The following ZNF804B variants were observed in gnomAD, a reference collection of about 807,000 sequenced individuals.
The protein encoded by ZNF804B is zinc finger protein 804B.
ZNF804B carries 80 observed loss-of-function variants against 101.4 expected under a neutral mutation model. That is an observed-to-expected ratio of 0.79 (90% CI 0.66 to 0.95). ZNF804B has a LOEUF of 0.95. Among genes scored for constraint, ZNF804B ranks in the 40% least tolerant of loss-of-function variants. The pLI is 0.00. For synonymous variants in ZNF804B, 622 were observed against 558.8 expected, an observed-to-expected ratio of 1.11 and a Z score of -1.59; for missense variants, 1,673 against 1,561.9, an observed-to-expected ratio of 1.07 and a Z score of -1.20.
chr7:88,800,692 TTGTGTG>T lies in ZNF804B; in HGVS notation c.108+40645_108+40650del, dbSNP rs6150209. Among the ~76,000 whole-genome samples the T allele has an allele frequency of 8.1e-3, 1,185 of 146,596 alleles. 5 individuals carry two copies. The highest frequency in any genetic ancestry group is 0.024 in the East Asian group (117 of 4,974). On this transcript the variant is annotated intron_variant, in intron 1 of 3. Coordinates refer to ENST00000333190, the MANE Select transcript of ZNF804B (RefSeq NM_181646.5). The stretch of plus-strand genomic sequence containing the variant: ...CTGGGAATTAAAAAATAGATATGAT[TTGTGTG>T]TGTGTGTGTGTGTGTGTGTGTGTGT...
chr7:89,335,283 T>A lies in ZNF804B; in HGVS notation c.2301T>A (p.Asp767Glu). The change falls in exon 4 of 4, where the codon GAT becomes GAA. Residue 767 changes from aspartate to glutamate, a missense_variant. By Grantham distance (45) the Asp-to-Glu change is conservative. Coordinates refer to ENST00000333190, the MANE Select transcript of ZNF804B (RefSeq NM_181646.5). The stretch of plus-strand genomic sequence containing the variant: ...AGCACAACTGCTTCTACTTGTCTGA[T>A]GATATAACAAAGAGCAGCCAAATGC... ...CLKHNCFYLSDDITKSSQMQS... is the reference protein window; with the variant it reads ...CLKHNCFYLSEDITKSSQMQS... 6.2e-7 allele frequency: 1 copy of A among 1,613,648 alleles called. No individual in the cohort carries two copies. Among genetic ancestry groups the A allele is most frequent in the Non-Finnish European group, 8.5e-7 (1 of 1,179,926 alleles).
intron 2 of ZNF804B, among the ~76,000 whole-genome samples, chr7:89,286,860 A>T (rs150783856): frequency 6.6e-6 from 1 of 152,190 alleles, no homozygotes; most frequent in Non-Finnish European, 1.5e-5. Context: ...AAAGCAAAAT[A>T]TAGACAGAAA....
At chr7:89,171,288 G>GCTGCTGCTGCTGCTGCTGCTT (rs1215246589) in intron 1 of ZNF804B, among the ~76,000 whole-genome samples, 9 of 82,464 alleles carry the variant, frequency 1.1e-4, no homozygotes, top group South Asian at 4.9e-4. Context: ...TGCTGCTGCT[G>GCTGCTGCTGCTGCTGCTGCTT]CTTCTTCTTC....
chr7:89,263,987 A>G (rs1451507860), intron 2 of ZNF804B, among the ~76,000 whole-genome samples: 1 of 152,236 alleles, frequency 6.6e-6, no homozygotes, highest in Non-Finnish European at 1.5e-5. Flanking sequence ...TCTTCTATTA[A>G]TACACAATTT....
chr7:89,075,042 A>G (rs1384983408), intron 1 of ZNF804B, among the ~76,000 whole-genome samples: 1 of 152,190 alleles, frequency 6.6e-6, no homozygotes, highest in South Asian at 2.1e-4. Context: ...AAAGCATTCA[A>G]TAGGTGACTT....
intron 1 of ZNF804B, among the ~76,000 whole-genome samples, chr7:88,988,504 A>G (rs1020299887): frequency 1.3e-5 from 2 of 152,166 alleles, no homozygotes; most frequent in South Asian, 2.1e-4. Context: ...AGGTGTTAAT[A>G]ACAACTATTG....
At chr7:88,880,572 CTTAAT>C (rs952512256) in intron 1 of ZNF804B, among the ~76,000 whole-genome samples, 47 of 151,880 alleles carry the variant, frequency 3.1e-4, no homozygotes, top group African/African-American at 9.9e-4. Context: ...GCTTTGTTGT[CTTAAT>C]TTTATTTTTA....
chr7:89,047,909 C>CA (rs1337606391), intron 1 of ZNF804B, among the ~76,000 whole-genome samples: 31 of 147,162 alleles, frequency 2.1e-4, no homozygotes, highest in Non-Finnish European at 4.4e-4. Context: ...TTTTTTTCCC[C>CA]CTTTGGATAT....
At chr7:88,801,790 A>G (rs1439779542) in intron 1 of ZNF804B, among the ~76,000 whole-genome samples, 1 of 152,184 alleles carries the variant, frequency 6.6e-6, no homozygotes, top group Non-Finnish European at 1.5e-5. Context: ...GAATATATGT[A>G]TTAATGAACA....
rs554037873 is a variant in ZNF804B at position 88,897,262 on chromosome 7, A to G, written c.108+137178A>G. ...CCCAAATAATCAAATGGGTTCTTGT[A>G]AGAGGGATGCAGAGGGAATGGGAAA... On this transcript the variant is annotated intron_variant, in intron 1 of 3. Coordinates refer to ENST00000333190, the MANE Select transcript of ZNF804B (RefSeq NM_181646.5). 2.6e-5 allele frequency among the ~76,000 whole-genome samples: 4 copies of G among 152,260 alleles called. No homozygotes were observed. The East Asian group carries it at 7.7e-4, about 29-fold the overall frequency.
chr7:89,141,975 A>G (rs944453088), intron 1 of ZNF804B, among the ~76,000 whole-genome samples: 1 of 151,778 alleles, frequency 6.6e-6, no homozygotes, highest in African/African-American at 2.4e-5. Flanking sequence ...ATGATACCAG[A>G]CATTTATTCC....
intron 1 of ZNF804B, among the ~76,000 whole-genome samples, chr7:89,167,787 G>A (rs1346094234): frequency 6.6e-6 from 1 of 151,938 alleles, no homozygotes; most frequent in Non-Finnish European, 1.5e-5. Flanking sequence ...AAAAATGAGA[G>A]GTCCAAATGG....
chr7:88,999,580 A>AT (rs1788254544), intron 1 of ZNF804B, among the ~76,000 whole-genome samples: 1 of 152,002 alleles, frequency 6.6e-6, no homozygotes, highest in Non-Finnish European at 1.5e-5. Flanking sequence ...TGTAATCAGC[A>AT]TTTTTGTTGC....
rs74872065 is a variant in ZNF804B at position 89,122,718 on chromosome 7, G to A, written c.109-95437G>A. 3.7e-4 allele frequency among the ~76,000 whole-genome samples: 56 copies of A among 152,144 alleles called. No individual in the cohort carries two copies. In the East Asian group the frequency reaches 0.01, roughly 28 times the overall value. On this transcript the variant is annotated intron_variant, in intron 1 of 3. Coordinates refer to ENST00000333190, the MANE Select transcript of ZNF804B (RefSeq NM_181646.5). ...TGCCAAGTTGTTCTACTTCCTCAGA[G>A]GACACACCCCATCAATCATTCTCCA...
rs547641245 is a variant in ZNF804B, at chr7:89,022,116, G to T, written c.109-196039G>T. Among the ~76,000 whole-genome samples, 11 of 152,190 alleles carry T rather than the reference G, an allele frequency of 7.2e-5. No homozygotes were observed. The East Asian group carries it at 2.1e-3, about 30-fold the overall frequency. ...AGGTTGATCTCATCATAGGAGACAG[G>T]ATAGTAGAGGCAGGATGGCTCATTA... On this transcript the variant is annotated intron_variant, in intron 1 of 3. Coordinates refer to ENST00000333190, the MANE Select transcript of ZNF804B (RefSeq NM_181646.5).
chr7:88,829,931 A>G (rs1402693172), intron 1 of ZNF804B, among the ~76,000 whole-genome samples: 1 of 152,128 alleles, frequency 6.6e-6, no homozygotes, highest in Non-Finnish European at 1.5e-5. Context: ...AAAATTTTTC[A>G]CATCTCAAAT....
chr7:88,949,576 A>G (rs928380573), intron 1 of ZNF804B, among the ~76,000 whole-genome samples: 39 of 151,984 alleles, frequency 2.6e-4, no homozygotes, highest in African/African-American at 8.4e-4. Context: ...GCAGGGTTTT[A>G]TAGTTTTTAT....
At chr7:89,317,600 A>G (rs537561686) in intron 2 of ZNF804B, among the ~76,000 whole-genome samples, 1 of 152,356 alleles carries the variant, frequency 6.6e-6, no homozygotes, top group East Asian at 1.9e-4. Flanking sequence ...AAAGAAACGG[A>G]TGCATTTTGC....
At chr7:89,060,384 C>G (rs76526704) in intron 1 of ZNF804B, among the ~76,000 whole-genome samples, 2,096 of 152,166 alleles carry the variant, frequency 0.014, 60 homozygotes, top group African/African-American at 0.048. Context: ...GTGAAGGAGT[C>G]TACTTAATGG....
Sources: gnomAD v4.1 joint callset for allele counts (sites outside exome capture counted in the v4.1 genomes callset) on GRCh38, gnomAD v4.1.1 for gene constraint, MANE v1.5 for transcripts, NCBI Gene and HGNC (gene_info 2026-07-23, HGNC 2026-07-21) for gene names.